The following ROBO1 variants were observed in gnomAD, a reference collection of about 807,000 sequenced individuals.
ROBO1 encodes the protein roundabout homolog 1.
Under a neutral mutation model 195.9 loss-of-function variants are expected in ROBO1, and 149 were observed. That is an observed-to-expected ratio of 0.76 (90% confidence interval 0.67 to 0.87). The LOEUF (loss-of-function observed/expected upper bound fraction) is 0.87, where lower values mean the gene tolerates loss of function less well. ROBO1 is among the 40% of genes least tolerant of loss of function. The pLI is 0.00. For synonymous variants in ROBO1, 816 were observed against 733.2 expected (o/e 1.11, Z -1.82); for missense variants, 1,933 against 2,068.3 (o/e 0.93, Z 1.27).
At chr3:78,642,141 G>A (rs1372316674) in intron 21 of ROBO1, among the ~76,000 whole-genome samples, 1 of 152,032 alleles carries the variant, frequency 6.6e-6, no homozygotes, top group Non-Finnish European at 1.5e-5. Context: ...GGTGGTTATA[G>A]GGATTAACAT....
intron 2 of ROBO1, among the ~76,000 whole-genome samples, chr3:79,498,681 C>T (rs1939884130): frequency 6.6e-6 from 1 of 151,958 alleles, no homozygotes; most frequent in African/African-American, 2.4e-5. Context: ...TGGTGAAACC[C>T]CGTCTCTACT....
intron 3 of ROBO1, among the ~76,000 whole-genome samples, chr3:79,105,728 TC>T (rs774621465): frequency 6.0e-4 from 91 of 151,722 alleles, no homozygotes; most frequent in Admixed American, 5.9e-4. Context: ...ATTGAAAAAA[TC>T]CTTAGTGTCA....
At chr3:79,283,236 G>C (rs2031644358) in intron 2 of ROBO1, among the ~76,000 whole-genome samples, 1 of 152,218 alleles carries the variant, frequency 6.6e-6, no homozygotes, top group African/African-American at 2.4e-5. Flanking sequence ...AGGGATGGAG[G>C]AGGGCATAGG....
chr3:79,425,732 G>T (rs2106971709), intron 2 of ROBO1, among the ~76,000 whole-genome samples: 1 of 150,932 alleles, frequency 6.6e-6, no homozygotes, highest in Admixed American at 6.6e-5. Context: ...CACACACACA[G>T]AAATACACAC....
chr3:79,680,631 A>G (rs561711798), intron 1 of ROBO1, among the ~76,000 whole-genome samples: 2 of 152,178 alleles, frequency 1.3e-5, no homozygotes, highest in South Asian at 4.1e-4. Context: ...TCATCCAAGC[A>G]TATTCAGCTG....
intron 2 of ROBO1, among the ~76,000 whole-genome samples, chr3:79,284,176 C>A (rs1308264623): frequency 6.6e-6 from 1 of 151,504 alleles, no homozygotes; most frequent in Non-Finnish European, 1.5e-5. Context: ...CTAGATATGT[C>A]GATGTTCTTT....
intron 2 of ROBO1, among the ~76,000 whole-genome samples, chr3:79,350,542 A>G (rs2109262768): frequency 6.6e-6 from 1 of 152,324 alleles, no homozygotes; most frequent in African/African-American, 2.4e-5. Context: ...TACAATCCAA[A>G]TGTCCATCAA....
intron 5 of ROBO1, among the ~76,000 whole-genome samples, chr3:78,745,189 T>A (rs934875557): frequency 6.6e-6 from 1 of 150,954 alleles, no homozygotes; most frequent in African/African-American, 2.4e-5. Context: ...ATGCCTGTAA[T>A]CCCAGCTACT....
At chr3:79,427,570 C>T (rs551615469) in intron 2 of ROBO1, among the ~76,000 whole-genome samples, 1 of 152,170 alleles carries the variant, frequency 6.6e-6, no homozygotes, top group African/African-American at 2.4e-5. Context: ...AATGGAGATG[C>T]TTTGGCACTG....
intron 4 of ROBO1, among the ~76,000 whole-genome samples, chr3:78,824,180 A>G (rs992944290): frequency 1.3e-5 from 2 of 152,190 alleles, no homozygotes; most frequent in African/African-American, 4.8e-5. Flanking sequence ...ACGACATGTG[A>G]GTTTCCAATT....
At chr3:79,524,443 A>G (rs1457593469) in intron 2 of ROBO1, among the ~76,000 whole-genome samples, 1 of 152,074 alleles carries the variant, frequency 6.6e-6, no homozygotes. Context: ...CAGATAAAAT[A>G]CTATCATAAA....
chr3:79,473,164 A>T (rs754631332), intron 2 of ROBO1, among the ~76,000 whole-genome samples: 5 of 152,098 alleles, frequency 3.3e-5, no homozygotes, highest in Non-Finnish European at 5.9e-5. Context: ...CTGGGGCCTA[A>T]CTCCAATGAC....
At chr3:79,190,324 T>C (rs1246136464) in intron 2 of ROBO1, among the ~76,000 whole-genome samples, 1 of 151,594 alleles carries the variant, frequency 6.6e-6, no homozygotes, top group African/African-American at 2.4e-5. Context: ...TGTTTGGCTA[T>C]TGAGTACTTG....
intron 2 of ROBO1, among the ~76,000 whole-genome samples, chr3:79,484,753 A>ATTTTTTTTTTTTTTTTTTTTTTTTT (rs1402757273): frequency 5.1e-4 from 9 of 17,688 alleles, no homozygotes; most frequent in Admixed American, 2.1e-3. Flanking sequence ...TCATTGCACT[A>ATTTTTTTTTTTTTTTTTTTTTTTTT]TCTTTTTTTT....
chr3:78,810,533 AACAT>A (rs909317396), intron 4 of ROBO1, among the ~76,000 whole-genome samples: 42 of 152,266 alleles, frequency 2.8e-4, no homozygotes, highest in African/African-American at 1.0e-3. Context: ...TTGGTAGGTA[AACAT>A]ATATTGAGTA....
At chr3:79,274,789 T>C (rs1236642493) in intron 2 of ROBO1, among the ~76,000 whole-genome samples, 1 of 151,820 alleles carries the variant, frequency 6.6e-6, no homozygotes, top group Non-Finnish European at 1.5e-5. Context: ...AAATCCGAAA[T>C]GATGAAGGAA....
At chr3:79,120,111 T>G (rs929596960) in intron 3 of ROBO1, among the ~76,000 whole-genome samples, 1 of 152,040 alleles carries the variant, frequency 6.6e-6, no homozygotes, top group African/African-American at 2.4e-5. Flanking sequence ...GTATACCTCA[T>G]ATACCCCCAT....
chr3:79,688,724 C>G (rs1348379281), intron 1 of ROBO1, among the ~76,000 whole-genome samples: 1 of 151,826 alleles, frequency 6.6e-6, no homozygotes, highest in African/African-American at 2.4e-5. Flanking sequence ...AAACTATCGC[C>G]TGTTTTGTTG....
At chr3:79,736,194 C>T (rs974133244) in intron 1 of ROBO1, among the ~76,000 whole-genome samples, 2 of 152,064 alleles carry the variant, frequency 1.3e-5, no homozygotes, top group African/African-American at 2.4e-5. Context: ...AGGTAGATAA[C>T]AGAGTAACTG....
Sources: gnomAD v4.1 joint callset for allele counts (sites outside exome capture counted in the v4.1 genomes callset) on GRCh38, gnomAD v4.1.1 for gene constraint, MANE v1.5 for transcripts, NCBI Gene and HGNC (gene_info 2026-07-23, HGNC 2026-07-21) for gene names.